Variants in SHISAL2A observed in about 807,000 individuals in gnomAD.
SHISAL2A encodes shisa like 2A, also known as protein shisa-like-2A.
In SHISAL2A, 18 loss-of-function variants were observed where a neutral mutation model predicts 11.5. The ratio of observed to expected loss-of-function variants is 1.57; its 90% CI spans 1.08 to 2.33. SHISAL2A has a LOEUF of 2.33. Ranked by LOEUF, SHISAL2A falls within the 30% of genes most tolerant of loss-of-function variation. The pLI, the probability that SHISAL2A is intolerant of heterozygous loss-of-function variation, is 0.00. For missense variants in SHISAL2A, 261 were observed against 250.9 expected, an observed-to-expected ratio of 1.04 and a Z score of -0.27; for synonymous variants, 94 against 99.6, an observed-to-expected ratio of 0.94 and a Z score of 0.34.
chr1:52,652,246 A>AGACAT (rs1691666395), intron 2 of SHISAL2A, among the ~76,000 whole-genome samples: 1 of 152,240 alleles, frequency 6.6e-6, no homozygotes, highest in Non-Finnish European at 1.5e-5. Context: ...CAAGAGGATC[A>AGACAT]GACATTTTTA....
At chr1:52,634,616 C>T (rs1210659893) in intron 1 of SHISAL2A, among the ~76,000 whole-genome samples, 4 of 152,158 alleles carry the variant, frequency 2.6e-5, no homozygotes, top group African/African-American at 9.7e-5. Flanking sequence ...TCTCAATCCC[C>T]CTGGGTCTCC....
chr1:52,644,157 A>G (rs1691438887), intron 2 of SHISAL2A, among the ~76,000 whole-genome samples: 1 of 152,218 alleles, frequency 6.6e-6, no homozygotes, highest in Non-Finnish European at 1.5e-5. Context: ...CATACTGGGT[A>G]TGTGCAAGTA....
At chr1:52,643,098 A>G (rs1482459854) in intron 2 of SHISAL2A, 96 bp downstream of exon 2, 5 of 1,274,602 alleles carry the variant, frequency 3.9e-6, no homozygotes, top group African/African-American at 3.0e-5. Context: ...CATTTGCCTC[A>G]TGACTATTCC....
chr1:52,653,250 A>T (rs1558091849), intron 2 of SHISAL2A, among the ~76,000 whole-genome samples: 1 of 140,626 alleles, frequency 7.1e-6, no homozygotes, highest in East Asian at 2.1e-4. Flanking sequence ...GGAGTTCGAG[A>T]TCATTCTGGG....
At chr1:52,648,201 C>T (rs1691547353) in intron 2 of SHISAL2A, among the ~76,000 whole-genome samples, 1 of 151,074 alleles carries the variant, frequency 6.6e-6, no homozygotes, top group Admixed American at 6.6e-5. Flanking sequence ...AGTAATTCTA[C>T]TTCTAATTAG....
At chr1:52,660,533 C>A (rs960282101), downstream of SHISAL2A, among the ~76,000 whole-genome samples, 1 of 152,138 alleles carries the variant, frequency 6.6e-6, no homozygotes, top group East Asian at 1.9e-4. Context: ...ACACATCGAC[C>A]GGCAATTATT....
upstream of SHISAL2A, among the ~76,000 whole-genome samples, chr1:52,632,792 C>T (rs1487439360): frequency 6.6e-6 from 1 of 152,208 alleles, no homozygotes; most frequent in Non-Finnish European, 1.5e-5. Context: ...AGAGCAAGGA[C>T]TTCCTACTAG....
chr1:52,639,613 C>T (rs1000512993), intron 1 of SHISAL2A, among the ~76,000 whole-genome samples: 30 of 151,540 alleles, frequency 2.0e-4, no homozygotes, highest in African/African-American at 6.1e-4. Context: ...ATTAGCCGGG[C>T]GTGGTGGCGG....
intron 1 of SHISAL2A, among the ~76,000 whole-genome samples, chr1:52,641,097 C>T (rs1023743026): frequency 2.0e-5 from 3 of 152,196 alleles, no homozygotes; most frequent in African/African-American, 7.2e-5. Flanking sequence ...GCTCCACGCC[C>T]CTCCCTTATA....
rs531501335 is a variant in SHISAL2A at position 52,667,353 on chromosome 1, G to A, written n.696-46G>A. 5.1e-6 allele frequency: 5 copies of A among 971,870 alleles called. No homozygotes were observed. In the African/African-American group the frequency reaches 5.3e-5, roughly 10 times the overall value. The allele number at this position is 971,870 out of a possible 1,614,324, so 60.2% of individuals were successfully genotyped here. On this transcript the variant is annotated intron_variant and non_coding_transcript_variant, in intron 4 of 5. Coordinates refer to the SHISAL2A transcript ENST00000401050. ...TTGCTGGGAATGTTTGCTCCGCCAT[G>A]GGGAAGTCTTTCAAAGATTTGTTCA...
rs1691181100 is a variant in SHISAL2A at position 52,633,680 on chromosome 1, C to G, written c.182+5C>G. On this transcript the variant is annotated splice_donor_5th_base_variant and intron_variant, in intron 1 of 2. Transcript: ENST00000517870. The surrounding 1 kb of genome is among the most constrained non-coding windows in gnomAD (Gnocchi z 6.4). ...CAGCTACATGTGGTGGCTCAGGTAC[C>G]GTCCCTGGCCCTCACCCTACCTTGA... 6.3e-7 allele frequency: 1 copy of G among 1,597,964 alleles called. No homozygotes were observed. The highest frequency in any genetic ancestry group is 1.1e-5 in the South Asian group (1 of 89,464).
chr1:52,648,833 C>A (rs557646065), intron 2 of SHISAL2A, among the ~76,000 whole-genome samples: 20 of 152,072 alleles, frequency 1.3e-4, no homozygotes, highest in Non-Finnish European at 2.2e-4. Flanking sequence ...AGTCTCACCC[C>A]ACCCTACCCA....
chr1:52,654,224 T>TATAGATAGATAGATAGATAGATAG (rs55929422), intron 2 of SHISAL2A, among the ~76,000 whole-genome samples: 1 of 147,672 alleles, frequency 6.8e-6, no homozygotes, highest in African/African-American at 2.5e-5. Flanking sequence ...ATGGCAGTTT[T>TATAGATAGATAGATAGATAGATAG]ATAGATAGAT....
downstream of SHISAL2A, among the ~76,000 whole-genome samples, chr1:52,658,444 A>G (rs915827433): frequency 2.0e-5 from 3 of 152,228 alleles, no homozygotes; most frequent in East Asian, 5.8e-4. Context: ...GTAATACTGA[A>G]CAACTCTGGA....
In SHISAL2A at chr1:52,633,631, G is replaced by A; in HGVS notation, c.138G>A (p.Pro46=). The A allele has an allele frequency of 6.2e-7, 1 of 1,612,806 alleles. No individual in the cohort carries two copies. The highest frequency in any genetic ancestry group is 1.1e-5 in the South Asian group (1 of 90,982). ...ACCACAAGTACTGCTGCGACGACCC[G>A]CACAGCTTCTTCCCCTACGAGCACA... ...FRDHKYCCDD[P]HSFFPYEHSY... is the part of the protein sequence containing the mutation. Residue 46 remains proline (P), a synonymous_variant, in exon 1 of 3, where the codon CCG becomes CCA. Coordinates refer to ENST00000517870, the MANE Select transcript of SHISAL2A (RefSeq NM_001042693.3). This position sits in a 1 kb window ranked among gnomAD's most constrained non-coding sequence, Gnocchi z 6.4.
chr1:52,657,203 G>T, downstream of SHISAL2A: 8 of 948,350 alleles, frequency 8.4e-6, no homozygotes, highest in Non-Finnish European at 9.1e-6. Context: ...TTGGCCTATT[G>T]TGGGCCAAAG....
At chr1:52,633,083 C>G (rs1691161087), upstream of SHISAL2A, among the ~76,000 whole-genome samples, 1 of 152,232 alleles carries the variant, frequency 6.6e-6, no homozygotes, top group Non-Finnish European at 1.5e-5. This position sits in a 1 kb window ranked among gnomAD's most constrained non-coding sequence, Gnocchi z 6.4. Context: ...CCCCGCCACT[C>G]TGGCCGCGTC....
At chr1:52,666,279 G>A (rs114563671) in intron 4 of SHISAL2A, among the ~76,000 whole-genome samples, 3,013 of 152,056 alleles carry the variant, frequency 0.02, 112 homozygotes, top group African/African-American at 0.069. Context: ...TGATGAAACC[G>A]TGCCTCTACT....
intron 2 of SHISAL2A, among the ~76,000 whole-genome samples, chr1:52,644,717 G>A (rs543974286): frequency 7.4e-6 from 1 of 134,376 alleles, no homozygotes; most frequent in South Asian, 2.5e-4. Context: ...GAGCAAGACC[G>A]TGTCTCAGAA....
Sources: gnomAD v4.1 joint callset for allele counts (sites outside exome capture counted in the v4.1 genomes callset) on GRCh38, gnomAD v4.1.1 for gene constraint, Gnocchi (gnomAD v3.1) non-coding constraint, MANE v1.5 for transcripts, NCBI Gene and HGNC (gene_info 2026-07-23, HGNC 2026-07-21) for gene names.